Variants in DPF3 observed in about 807,000 individuals in gnomAD.
The protein encoded by DPF3 is double PHD fingers 3.
DPF3 carries 18 observed loss-of-function variants against 56.8 expected under a neutral mutation model. That is an observed-to-expected ratio of 0.32 (90% confidence interval 0.22 to 0.47). The LOEUF is 0.47. Ranked by LOEUF, DPF3 falls within the 20% of genes least tolerant of loss-of-function variation. DPF3 has a pLI of 1.00. For missense variants in DPF3, 403 were observed against 488.8 expected (o/e 0.82, Z 1.65); for synonymous variants, 188 against 180.2 (o/e 1.04, Z -0.35).
intron 1 of DPF3, among the ~76,000 whole-genome samples, chr14:72,791,325 G>A (rs1401378998): frequency 1.3e-5 from 2 of 152,226 alleles, no homozygotes; most frequent in South Asian, 2.1e-4. Context: ...CACCACTGCC[G>A]CTGCCCCCTG....
chr14:72,691,800 C>T lies in DPF3; in HGVS notation c.742+1276G>A, dbSNP rs557068313. Among the ~76,000 whole-genome samples, 8 of 152,120 alleles carry T rather than the reference C, an allele frequency of 5.3e-5. No individual in the cohort carries two copies. The South Asian group carries it at 1.7e-3, about 32-fold the overall frequency. On this transcript the variant is annotated intron_variant, in intron 7 of 10. Coordinates refer to ENST00000556509, the MANE Select transcript of DPF3 (RefSeq NM_001280542.3). ...ACAGCACGCATGCACAGAGGGATAA[C>T]TGTGCGAGCGGACAGGAGAAGGCAG...
chr14:72,645,984 G>A (rs1031619161), intron 8 of DPF3, among the ~76,000 whole-genome samples: 2 of 152,110 alleles, frequency 1.3e-5, no homozygotes, highest in Non-Finnish European at 2.9e-5. Context: ...TGCTCACCCC[G>A]GATCTGACCT....
At chr14:72,706,481 G>A (rs1011046971) in intron 6 of DPF3, among the ~76,000 whole-genome samples, 1 of 152,170 alleles carries the variant, frequency 6.6e-6, no homozygotes, top group Non-Finnish European at 1.5e-5. Flanking sequence ...CACATGCCAC[G>A]TGCAAAGCTT....
intron 8 of DPF3, among the ~76,000 whole-genome samples, chr14:72,651,176 G>T (rs1446974756): frequency 6.6e-6 from 1 of 152,204 alleles, no homozygotes; most frequent in Admixed American, 6.5e-5. Flanking sequence ...CATGGCCCTG[G>T]CCCCTGAGGG....
intron 8 of DPF3, among the ~76,000 whole-genome samples, chr14:72,666,291 T>C (rs987229402): frequency 1.3e-5 from 2 of 152,222 alleles, no homozygotes; most frequent in Non-Finnish European, 2.9e-5. Flanking sequence ...TAGACATTGC[T>C]ACTTCTCAGA....
At chr14:72,725,231 A>G (rs1337574146) in intron 4 of DPF3, among the ~76,000 whole-genome samples, 3 of 152,218 alleles carry the variant, frequency 2.0e-5, no homozygotes, top group Non-Finnish European at 4.4e-5. Context: ...AAGGGAGAAC[A>G]GATTTAAACA....
At chr14:72,650,075 G>C (rs972426723) in intron 8 of DPF3, among the ~76,000 whole-genome samples, 29 of 152,122 alleles carry the variant, frequency 1.9e-4, no homozygotes, top group African/African-American at 6.8e-4. Flanking sequence ...ATCCCCACCT[G>C]TGCTAAAGTC....
rs766396428 is a variant in DPF3 at position 72,718,771 on chromosome 14, A to ATTTTTTTTTTTTTTTTT, written c.526-4271_526-4270insAAAAAAAAAAAAAAAAA. Among the ~76,000 whole-genome samples the ATTTTTTTTTTTTTTTTT allele has an allele frequency of 2.9e-4, 27 of 93,890 alleles. 4 individuals are homozygous for ATTTTTTTTTTTTTTTTT. The highest frequency in any genetic ancestry group is 6.6e-4 in the African/African-American group (15 of 22,694). The allele number at this position is 93,890 out of a possible 152,430, so 61.6% of individuals were successfully genotyped here. On this transcript the variant is annotated intron_variant, in intron 5 of 10. Coordinates refer to ENST00000556509, the MANE Select transcript of DPF3 (RefSeq NM_001280542.3). The stretch of plus-strand genomic sequence containing the variant: ...AGAACCACTGCTCTACACCCTTGCT[A>ATTTTTTTTTTTTTTTTT]TTTTTTTTTTTTTTGAGACGGAGTC...
chr14:72,779,193 G>A (rs558994264), intron 1 of DPF3, among the ~76,000 whole-genome samples: 5 of 152,266 alleles, frequency 3.3e-5, no homozygotes, highest in South Asian at 2.1e-4. Flanking sequence ...AGGCTAATGT[G>A]GCATGCTTGT....
At chr14:72,638,457 TCCCTGTA>T (rs1416541695) in intron 8 of DPF3, among the ~76,000 whole-genome samples, 2 of 152,204 alleles carry the variant, frequency 1.3e-5, no homozygotes, top group Non-Finnish European at 2.9e-5. Flanking sequence ...AACCCTGTAA[TCCCTGTA>T]CTTCCTACTG....
intron 1 of DPF3, among the ~76,000 whole-genome samples, chr14:72,848,173 T>A (rs1884834857): frequency 6.6e-6 from 1 of 152,072 alleles, no homozygotes. Context: ...TTATTTTTTT[T>A]TGGACACAGA....
intron 1 of DPF3, among the ~76,000 whole-genome samples, chr14:72,882,531 T>C (rs1444137079): frequency 6.6e-6 from 1 of 151,800 alleles, no homozygotes; most frequent in Non-Finnish European, 1.5e-5. Context: ...GGAAGGGGAG[T>C]GTGTGCATGG....
rs145071583 is a variant in DPF3 at position 72,666,848 on chromosome 14, T to C, written c.871+7392A>G. Among the ~76,000 whole-genome samples, 770 of 152,298 alleles carry C rather than the reference T, an allele frequency of 5.1e-3. 7 individuals carry two copies. Among genetic ancestry groups the C allele is most frequent in the Non-Finnish European group, 3.7e-3 (254 of 68,034 alleles). On this transcript the variant is annotated intron_variant, in intron 8 of 10. Coordinates refer to ENST00000556509, the MANE Select transcript of DPF3 (RefSeq NM_001280542.3). ...CCTCCAAAGGCTGAGCAAAATCCCCTGAGGAAAAATTCCTAACAGATGAGT... is the reference window on the plus strand; with the variant it reads ...CCTCCAAAGGCTGAGCAAAATCCCCCGAGGAAAAATTCCTAACAGATGAGT...
chr14:72,669,430 C>G (rs1365791847), intron 8 of DPF3, among the ~76,000 whole-genome samples: 3 of 152,186 alleles, frequency 2.0e-5, no homozygotes, highest in African/African-American at 7.2e-5. Flanking sequence ...TCCAAACAGC[C>G]AAGTTGAGTT....
At chr14:72,744,015 T>C (rs1890231721) in intron 3 of DPF3, among the ~76,000 whole-genome samples, 1 of 152,218 alleles carries the variant, frequency 6.6e-6, no homozygotes, top group Admixed American at 6.5e-5. Flanking sequence ...CAAGACTGAC[T>C]AGAGGGGTGA....
chr14:72,863,100 A>ATATATATATATATGTG (rs1413440131), intron 1 of DPF3, among the ~76,000 whole-genome samples: 8 of 110,592 alleles, frequency 7.2e-5, no homozygotes, highest in African/African-American at 2.1e-4. Flanking sequence ...ATATATATAT[A>ATATATATATATATGTG]TGTGTGTGTA....
chr14:72,858,042 T>A (rs1289991176), intron 1 of DPF3, among the ~76,000 whole-genome samples: 1 of 151,616 alleles, frequency 6.6e-6, no homozygotes, highest in East Asian at 2.0e-4. Context: ...CAGTGGCTCA[T>A]GCCTGTAATC....
At position 72,701,481 on chromosome 14, in the gene DPF3, G is replaced by A. The variant is rs952366474; in HGVS notation, c.605-8268C>T. 7.2e-5 allele frequency among the ~76,000 whole-genome samples: 11 copies of A among 152,260 alleles called. No individual in the cohort carries two copies. The South Asian group carries it at 8.3e-4, about 11-fold the overall frequency. Reference sequence around the variant, plus strand: ...TGGAGTTATGGATGCCTTCAGTGCCGCTCCAAAATATTTACTGCACGCCCC... The same window carrying A: ...TGGAGTTATGGATGCCTTCAGTGCCACTCCAAAATATTTACTGCACGCCCC... On this transcript the variant is annotated intron_variant, in intron 6 of 10. Coordinates refer to ENST00000556509, the MANE Select transcript of DPF3 (RefSeq NM_001280542.3).
At position 72,829,836 on chromosome 14, in the gene DPF3, A is replaced by G. The variant is rs180979522; in HGVS notation, c.33-57943T>C. 3.1e-3 allele frequency among the ~76,000 whole-genome samples: 473 copies of G among 151,492 alleles called. 4 individuals are homozygous for G. The highest frequency in any genetic ancestry group is 0.011 in the African/African-American group (449 of 41,260). On this transcript the variant is annotated intron_variant, in intron 1 of 10. Transcript: ENST00000556509. ...TCTGCTCATTGCAACCTCACCTCCC[A>G]GGTTCAAGTGATTCTCCTGCCTCAG...
Sources: gnomAD v4.1 joint callset for allele counts (sites outside exome capture counted in the v4.1 genomes callset) on GRCh38, gnomAD v4.1.1 for gene constraint, MANE v1.5 for transcripts, NCBI Gene and HGNC (gene_info 2026-07-23, HGNC 2026-07-21) for gene names.